DNAI2: variants seen among roughly 807,000 people sequenced by gnomAD.
DNAI2 encodes dynein axonemal intermediate chain 2.
A neutral mutation model predicts 74.7 loss-of-function variants in DNAI2; 63 were observed. That is an observed-to-expected ratio of 0.84 (90% CI 0.69 to 1.04). DNAI2 has a LOEUF of 1.04. Among genes scored for constraint, DNAI2 ranks in the 50% least tolerant of loss-of-function variants. The pLI is 0.00. For synonymous variants in DNAI2, 289 were observed against 314.9 expected (o/e 0.92, Z 0.87); for missense variants, 688 against 803.2 (o/e 0.86, Z 1.73).
At chr17:74,297,363 A>G (rs994124209) in intron 6 of DNAI2, among the ~76,000 whole-genome samples, 13 of 147,234 alleles carry the variant, frequency 8.8e-5, no homozygotes, top group Admixed American at 4.1e-4. Context: ...AAGTGCTGGG[A>G]TTACAGGCAT....
In DNAI2 at chr17:74,281,880, G is replaced by A. The variant is rs747888220; in HGVS notation, c.63G>A (p.Ser21=). Residue 21 remains serine (S), a synonymous_variant, in exon 2 of 14, where the codon TCG becomes TCA. Transcript: ENST00000311014. ...RSEFGKQCNF[S]DRQAELNIDI... is the part of the protein sequence containing the mutation. ...AGTTCGGGAAGCAGTGCAATTTCTC[G>A]GACCGCCAGGCCGAGCTGAACATCG... is the stretch of plus-strand genomic sequence containing the variant. The A allele has an allele frequency of 2.5e-6, 4 of 1,614,016 alleles. No homozygotes were observed. Among genetic ancestry groups the A allele is most frequent in the South Asian group, 1.1e-5 (1 of 91,092 alleles).
chr17:74,299,830 G>C lies in DNAI2; in HGVS notation c.837G>C (p.Glu279Asp), dbSNP rs772574421. ...TIWLQSKTGTECFSASTDGQV... is the reference protein window; with the variant it reads ...TIWLQSKTGTDCFSASTDGQV... The stretch of plus-strand genomic sequence containing the variant: ...GGCTGCAGTCGAAGACGGGCACCGA[G>C]TGCTTCTCAGCTTCCACGGATGGGC... The change falls in exon 7 of 14, where the codon GAG becomes GAC. Residue 279 changes from glutamate to aspartate, a missense_variant. By Grantham distance (45) the Glu-to-Asp change is conservative. Transcript: ENST00000311014. The C allele has an allele frequency of 1.2e-6, 2 of 1,613,600 alleles. No homozygotes were observed. Among genetic ancestry groups the C allele is most frequent in the South Asian group, 1.1e-5 (1 of 91,076 alleles).
At chr17:74,283,183 G>A (rs938894826) in intron 2 of DNAI2, among the ~76,000 whole-genome samples, 1 of 152,258 alleles carries the variant, frequency 6.6e-6, no homozygotes, top group Admixed American at 6.5e-5. Flanking sequence ...CATCCTGGGT[G>A]ATGTAAGAGT....
chr17:74,280,720 TG>T (rs1054872963), intron 1 of DNAI2, among the ~76,000 whole-genome samples: 7 of 152,290 alleles, frequency 4.6e-5, no homozygotes, highest in Admixed American at 3.9e-4. Flanking sequence ...ATGCCCAGCA[TG>T]GCAGGGAATT....
At chr17:74,286,383 T>C (rs992321170) in intron 3 of DNAI2, among the ~76,000 whole-genome samples, 1 of 151,930 alleles carries the variant, frequency 6.6e-6, no homozygotes. Flanking sequence ...TCTTCATTAT[T>C]GGCCTTCATG....
At chr17:74,305,558 C>G (rs1165440120) in intron 9 of DNAI2, 116 bp downstream of exon 9, 4 of 874,218 alleles carry the variant, frequency 4.6e-6, no homozygotes, top group Non-Finnish European at 7.1e-6. Flanking sequence ...AAAAACCTTT[C>G]CACAAACACC....
At chr17:74,302,835 C>T (rs745419846) in intron 8 of DNAI2, among the ~76,000 whole-genome samples, 4 of 152,196 alleles carry the variant, frequency 2.6e-5, no homozygotes, top group African/African-American at 4.8e-5. Flanking sequence ...GCCCTGGCCT[C>T]GAACATACCT....
chr17:74,281,636 A>ATT lies in DNAI2; in HGVS notation c.-11-163_-11-162dup. ...GCTTAGCATATAGTCGGCACTCAGGATTTTTTTTTAATGCGGATGCAGCTT... is the reference window on the plus strand; with the variant it reads ...GCTTAGCATATAGTCGGCACTCAGGATTTTTTTTTTTAATGCGGATGCAGCTT... On this transcript the variant is annotated intron_variant, in intron 1 of 13. Coordinates refer to ENST00000311014, the MANE Select transcript of DNAI2 (RefSeq NM_023036.6). 6 of 612,356 alleles carry ATT rather than the reference A, an allele frequency of 9.8e-6. No individual in the cohort carries two copies. In the South Asian group the frequency reaches 9.8e-5, roughly 10 times the overall value. 37.9% of individuals were successfully genotyped at this position (612,356 alleles called of 1,614,324 possible). A position where few individuals can be genotyped will look rare whatever the true frequency, so the allele number is the denominator to read the frequency against.
At chr17:74,290,185 G>A (rs972438870) in intron 5 of DNAI2, among the ~76,000 whole-genome samples, 1 of 152,130 alleles carries the variant, frequency 6.6e-6, no homozygotes, top group Admixed American at 6.5e-5. Context: ...GCTTGATGGT[G>A]GGTGCCTGTA....
chr17:74,299,885 G>C (rs764393327), intron 7 of DNAI2, 28 bp downstream of exon 7: 1 of 1,612,636 alleles, frequency 6.2e-7, no homozygotes, highest in Non-Finnish European at 8.5e-7. Flanking sequence ...ACTGGAGAGA[G>C]GAGGGAAGGG....
chr17:74,301,541 G>T (rs1050039069), intron 8 of DNAI2, among the ~76,000 whole-genome samples: 1 of 152,060 alleles, frequency 6.6e-6, no homozygotes, highest in Non-Finnish European at 1.5e-5. Context: ...TGCCTGGCAC[G>T]GGGTCCCTAG....
At chr17:74,293,781 G>GTTTTGT (rs142449741) in intron 6 of DNAI2, among the ~76,000 whole-genome samples, 49,697 of 150,592 alleles carry the variant, frequency 0.33, 8,859 homozygotes, top group Non-Finnish European at 0.43. Context: ...GTGAATCATA[G>GTTTTGT]TTTTGTTTTG....
chr17:74,296,104 A>G (rs2052405421), intron 6 of DNAI2, among the ~76,000 whole-genome samples: 1 of 152,286 alleles, frequency 6.6e-6, no homozygotes, highest in Non-Finnish European at 1.5e-5. Flanking sequence ...ACTCCCAGGA[A>G]TATGTCAGAT....
chr17:74,307,973 T>A (rs138643456), intron 9 of DNAI2, among the ~76,000 whole-genome samples: 1 of 152,010 alleles, frequency 6.6e-6, no homozygotes, highest in African/African-American at 2.4e-5. Flanking sequence ...AATTTTTTTA[T>A]TTTTAGTAGA....
intron 6 of DNAI2, among the ~76,000 whole-genome samples, chr17:74,291,951 C>A (rs2052135550): frequency 6.6e-6 from 1 of 152,028 alleles, no homozygotes; most frequent in African/African-American, 2.4e-5. Flanking sequence ...GCAGCCTCCA[C>A]CTCTCGGATT....
intron 2 of DNAI2, 123 bp from the exon 3 acceptor site, chr17:74,284,917 G>A: frequency 1.6e-6 from 2 of 1,262,544 alleles, no homozygotes; most frequent in Non-Finnish European, 2.3e-6. Flanking sequence ...AAATACTGTG[G>A]CTCCGGCCAG....
chr17:74,298,181 C>T (rs1186794575), intron 6 of DNAI2, among the ~76,000 whole-genome samples: 2 of 152,240 alleles, frequency 1.3e-5, no homozygotes, highest in African/African-American at 4.8e-5. Context: ...CATACCAGCC[C>T]AGACTCTGGT....
At chr17:74,305,958 C>T (rs1388801287) in intron 9 of DNAI2, among the ~76,000 whole-genome samples, 2 of 152,154 alleles carry the variant, frequency 1.3e-5, no homozygotes, top group African/African-American at 4.8e-5. Flanking sequence ...AGGTGTGAGC[C>T]ACCGCGTCTG....
chr17:74,292,428 T>G (rs2052170271), intron 6 of DNAI2, among the ~76,000 whole-genome samples: 1 of 149,958 alleles, frequency 6.7e-6, no homozygotes, highest in Admixed American at 6.6e-5. Context: ...TTTTTTTTTT[T>G]TTTTTTGAGA....
Sources: allele counts gnomAD v4.1 joint callset (sites outside exome capture counted in the v4.1 genomes callset), GRCh38; gene constraint gnomAD v4.1.1; transcripts MANE v1.5; gene names NCBI Gene and HGNC (gene_info 2026-07-23, HGNC 2026-07-21).